Variants in DPP6 observed in about 807,000 individuals in gnomAD.
DPP6 encodes A-type potassium channel modulatory protein DPP6.
A neutral mutation model predicts 122.6 loss-of-function variants in DPP6; 69 were observed. The ratio of observed to expected loss-of-function variants is 0.56; its 90% CI spans 0.46 to 0.69. The LOEUF is 0.69. DPP6 is among the 30% of genes least tolerant of loss of function. The pLI, the probability that DPP6 is intolerant of heterozygous loss-of-function variation, is 0.00. For missense variants in DPP6, 928 were observed against 1,116.9 expected (o/e 0.83, Z 2.41); for synonymous variants, 418 against 433.1 (o/e 0.97, Z 0.43).
At chr7:154,356,922 A>T (rs1563537559) in intron 1 of DPP6, among the ~76,000 whole-genome samples, 1 of 152,332 alleles carries the variant, frequency 6.6e-6, no homozygotes, top group East Asian at 1.9e-4. Context: ...CTTAATTAGC[A>T]GCTCAAATTT....
intron 3 of DPP6, among the ~76,000 whole-genome samples, chr7:154,513,679 A>C (rs10274214): frequency 0.019 from 2,844 of 152,270 alleles, 84 homozygotes; most frequent in African/African-American, 0.065. Flanking sequence ...CCCTGCACTG[A>C]TTCCACCACA....
At chr7:154,018,232 C>T (rs1405224663) in intron 1 of DPP6, among the ~76,000 whole-genome samples, 2 of 151,826 alleles carry the variant, frequency 1.3e-5, no homozygotes, top group Non-Finnish European at 2.9e-5. Flanking sequence ...TGATCATGAA[C>T]ATCTGTTTGG....
At chr7:153,980,491 A>G (rs1323545595) in intron 1 of DPP6, among the ~76,000 whole-genome samples, 3 of 152,098 alleles carry the variant, frequency 2.0e-5, no homozygotes, top group Non-Finnish European at 4.4e-5. Flanking sequence ...TCTTTTAAAA[A>G]AAACCAGCTC....
rs1421015324 is a variant in DPP6 at position 154,371,419 on chromosome 7, AAGAC to A, written c.244-74791_244-74788del. 1.2e-3 allele frequency among the ~76,000 whole-genome samples: 174 copies of A among 148,524 alleles called. 1 individual carries two copies. Among genetic ancestry groups the A allele is most frequent in the Middle Eastern group, 6.8e-3 (2 of 292 alleles). ...AAAAAAAAAAAGAAAGAAAGAAAGAAAGACAGAAAAAACAAACAAAAAAATGTTG... is the reference window on the plus strand; with the variant it reads ...AAAAAAAAAAAGAAAGAAAGAAAGAAAGAAAAAACAAACAAAAAAATGTTG... On this transcript the variant is annotated intron_variant, in intron 1 of 25. Transcript: ENST00000377770.
intron 12 of DPP6, among the ~76,000 whole-genome samples, chr7:154,799,043 C>T (rs149366490): frequency 1.4e-3 from 212 of 152,250 alleles, no homozygotes; most frequent in African/African-American, 4.9e-3. Context: ...CAATGGGTCA[C>T]AGAAGCTTGC....
intron 1 of DPP6, among the ~76,000 whole-genome samples, chr7:154,254,173 A>G (rs1211681764): frequency 6.6e-6 from 1 of 152,184 alleles, no homozygotes; most frequent in Non-Finnish European, 1.5e-5. Context: ...CCTGTTCTAT[A>G]TAGATGAAGA....
intron 7 of DPP6, among the ~76,000 whole-genome samples, chr7:154,719,257 C>T (rs1415102551): frequency 6.6e-6 from 1 of 152,094 alleles, no homozygotes; most frequent in Non-Finnish European, 1.5e-5. Flanking sequence ...ATCCCAGCCT[C>T]TCCAGAGCAA....
Position 154,802,223 on chromosome 7 carries a change from G to A in DPP6, c.1407+761G>A, listed in dbSNP as rs189208113. ...TGAATGAAATTTGATTAGAGAAAAT[G>A]TTAATCACAAATATTCTATGGCTAT... is the stretch of plus-strand genomic sequence containing the variant. On this transcript the variant is annotated intron_variant, in intron 13 of 25. Transcript: ENST00000377770. Among the ~76,000 whole-genome samples the A allele has an allele frequency of 3.3e-5, 5 of 152,222 alleles. No homozygotes were observed. The East Asian group carries it at 9.7e-4, about 29-fold the overall frequency.
intron 1 of DPP6, among the ~76,000 whole-genome samples, chr7:154,299,482 T>G (rs1189727809): frequency 1.3e-5 from 2 of 152,224 alleles, no homozygotes; most frequent in African/African-American, 4.8e-5. Context: ...ACTTGGTCTT[T>G]TTGTATGAGT....
chr7:154,763,561 G>T (rs1379323898), intron 8 of DPP6, among the ~76,000 whole-genome samples: 1 of 152,148 alleles, frequency 6.6e-6, no homozygotes, highest in Non-Finnish European at 1.5e-5. Context: ...GGATTCCACA[G>T]CCTCCATCAG....
the DPP6 span, among the ~76,000 whole-genome samples, chr7:153,813,824 C>T: frequency 6.6e-6 from 1 of 151,938 alleles, no homozygotes; most frequent in African/African-American, 2.4e-5. Context: ...TAAATGTCTT[C>T]TTTTGAGAAG....
intron 7 of DPP6, among the ~76,000 whole-genome samples, chr7:154,716,574 A>T (rs2131324350): frequency 6.6e-6 from 1 of 152,178 alleles, no homozygotes; most frequent in East Asian, 1.9e-4. Context: ...CTGCTCCTGG[A>T]TGTGGGACAG....
chr7:154,319,366 A>C (rs1044297644), intron 1 of DPP6, among the ~76,000 whole-genome samples: 1 of 152,192 alleles, frequency 6.6e-6, no homozygotes, highest in Non-Finnish European at 1.5e-5. Flanking sequence ...GTCCTGCTTT[A>C]TATTTGTATA....
intron 17 of DPP6, among the ~76,000 whole-genome samples, chr7:154,859,746 G>C (rs144599154): frequency 6.6e-6 from 1 of 152,174 alleles, no homozygotes; most frequent in Admixed American, 6.5e-5. Flanking sequence ...AAACAACTTA[G>C]GTACTGGGAT....
At chr7:153,858,962 A>T in the DPP6 span, among the ~76,000 whole-genome samples, 2 of 152,184 alleles carry the variant, frequency 1.3e-5, no homozygotes, top group Admixed American at 6.5e-5. Context: ...GCCATTCAGA[A>T]ATCCATAACT....
rs552259818 is a variant in DPP6 at position 154,059,719 on chromosome 7, C to T, written c.243+6656C>T. 3.3e-5 allele frequency among the ~76,000 whole-genome samples: 5 copies of T among 151,128 alleles called. No individual in the cohort carries two copies. In the South Asian group the frequency reaches 1.0e-3, roughly 32 times the overall value. The stretch of plus-strand genomic sequence containing the variant: ...TGACAGCCCCAGCCCTGGGGCTACC[C>T]GATCTGACAAAGCCTTTTCCATTGT... On this transcript the variant is annotated intron_variant, in intron 1 of 25. Coordinates refer to ENST00000377770, the MANE Select transcript of DPP6 (RefSeq NM_130797.4).
rs368269051 is a variant in DPP6 at position 154,462,035 on chromosome 7, G to A, written c.359-12904G>A. ...TTTAATCCATTTTGATTTGATTTTTGTATATGGTGAGAGGGAAGGGTCTAG... is the reference window on the plus strand; with the variant it reads ...TTTAATCCATTTTGATTTGATTTTTATATATGGTGAGAGGGAAGGGTCTAG... On this transcript the variant is annotated intron_variant, in intron 2 of 25. Coordinates refer to ENST00000377770, the MANE Select transcript of DPP6 (RefSeq NM_130797.4). Among the ~76,000 whole-genome samples, 29 of 152,090 alleles carry A rather than the reference G, an allele frequency of 1.9e-4. No individual in the cohort carries two copies. In the South Asian group the frequency reaches 5.8e-3, roughly 31 times the overall value.
intron 3 of DPP6, among the ~76,000 whole-genome samples, chr7:154,498,085 T>C (rs1431900828): frequency 6.6e-6 from 1 of 152,196 alleles, no homozygotes; most frequent in African/African-American, 2.4e-5. Context: ...GCCTGCTTCA[T>C]AGATAGTTAC....
intron 16 of DPP6, among the ~76,000 whole-genome samples, chr7:154,844,060 CAGA>C (rs1436934938): frequency 6.6e-6 from 1 of 152,200 alleles, no homozygotes; most frequent in Non-Finnish European, 1.5e-5. Context: ...TATGAATTGT[CAGA>C]AGAATAGCAG....
Sources: gnomAD v4.1 joint callset for allele counts (sites outside exome capture counted in the v4.1 genomes callset) on GRCh38, gnomAD v4.1.1 for gene constraint, MANE v1.5 for transcripts, NCBI Gene and HGNC (gene_info 2026-07-23, HGNC 2026-07-21) for gene names.